Variants in SYS1 observed in about 807,000 individuals in gnomAD.
The protein encoded by SYS1 is protein SYS1 homolog.
A neutral mutation model predicts 17.8 loss-of-function variants in SYS1; 8 were observed. That is an observed-to-expected ratio of 0.45 (90% CI 0.26 to 0.81). The LOEUF is 0.81. Ranked by LOEUF, SYS1 falls within the 40% of genes least tolerant of loss-of-function variation. SYS1 has a pLI of 0.16. For synonymous variants in SYS1, 95 were observed against 90.9 expected, an observed-to-expected ratio of 1.05 and a Z score of -0.26; for missense variants, 161 against 203.9, an observed-to-expected ratio of 0.79 and a Z score of 1.28.
downstream of SYS1, chr20:45,373,623 C>T (rs1988623148): frequency 8.8e-6 from 4 of 453,978 alleles, no homozygotes; most frequent in South Asian, 9.5e-5. Context: ...CTCTTGCGAG[C>T]TCGCGGGGCG....
chr20:45,373,931 C>T (rs1420951225), downstream of SYS1: 2 of 1,613,958 alleles, frequency 1.2e-6, no homozygotes, highest in Admixed American at 1.7e-5. Flanking sequence ...GTGAATTTCG[C>T]CACCCATTCC....
In SYS1 at chr20:45,367,506, G is replaced by A. The variant is rs750650483; in HGVS notation, c.*391G>A. 32 of 1,025,264 alleles carry A rather than the reference G, an allele frequency of 3.1e-5. No individual in the cohort carries two copies. The highest frequency in any genetic ancestry group is 1.6e-4 in the Admixed American group (3 of 19,286). 63.5% of individuals were successfully genotyped at this position (1,025,264 alleles called of 1,614,324 possible). On this transcript the variant is annotated 3_prime_UTR_variant, in exon 4 of 4. Coordinates refer to ENST00000243918, the MANE Select transcript of SYS1 (RefSeq NM_033542.4). ...TCTGTCTTACCCCCCTGGGACAGCT[G>A]TTACCTTTGCAGTGTTGCCGAATCA...
chr20:45,366,400 A>T (rs1325154119), intron 3 of SYS1, among the ~76,000 whole-genome samples: 1 of 152,186 alleles, frequency 6.6e-6, no homozygotes, highest in South Asian at 2.1e-4. Flanking sequence ...TGTCTTCCAG[A>T]TAGGTTCTAT....
chr20:45,364,419 G>C (rs1988334583), intron 2 of SYS1, among the ~76,000 whole-genome samples: 1 of 145,298 alleles, frequency 6.9e-6, no homozygotes. Context: ...AGGCCTATAA[G>C]TTGTTACATC....
At chr20:45,364,575 C>T (rs1307091873) in intron 2 of SYS1, among the ~76,000 whole-genome samples, 1 of 149,920 alleles carries the variant, frequency 6.7e-6, no homozygotes, top group Non-Finnish European at 1.5e-5. Context: ...GGGTTCACGC[C>T]ATTCTCCTGC....
Position 45,374,718 on chromosome 20 carries a change from G to A in SYS1, c.*424G>A, listed in dbSNP as rs2145366331. On this transcript the variant is annotated 3_prime_UTR_variant, in exon 4 of 4. Coordinates refer to the SYS1 transcript ENST00000426004. ...GGAAATCCTTAAACCCACTTATGTA[G>A]GCCTCTGACTGTGAGATTCAGAGCC... 4.5e-6 allele frequency: 2 copies of A among 445,334 alleles called. 1 individual carries two copies. Among genetic ancestry groups the A allele is most frequent in the South Asian group, 8.4e-5 (2 of 23,858 alleles). The allele number at this position is 445,334 out of a possible 1,614,324, so 27.6% of individuals were successfully genotyped here. A position where few individuals can be genotyped will look rare whatever the true frequency, so the allele number is the denominator to read the frequency against.
chr20:45,369,257 T>C (rs932640207), downstream of SYS1: 1 of 152,176 alleles, frequency 6.6e-6, no homozygotes, highest in Non-Finnish European at 1.5e-5. Context: ...CTTTTCAAAA[T>C]CTTCACAAGA....
rs1988468105 is a variant in SYS1 at position 45,367,845 on chromosome 20, A to G, written c.*730A>G. ...TCCCAGCGTTGCTCAAAGTCTAACC[A>G]TCATAAAGACACTGCCTGTCTTCTA... On this transcript the variant is annotated 3_prime_UTR_variant, in exon 4 of 4. Transcript: ENST00000243918. 3 of 985,754 alleles carry G rather than the reference A, an allele frequency of 3.0e-6. No individual in the cohort carries two copies. The highest frequency in any genetic ancestry group is 5.2e-4 in the Middle Eastern group (1 of 1,936). 61.1% of individuals were successfully genotyped at this position (985,754 alleles called of 1,614,324 possible).
chr20:45,366,630 T>C lies in SYS1; in HGVS notation c.231-245T>C, dbSNP rs140750858. Reference sequence around the variant, plus strand: ...AGAACATGTATGCTTCAGGGTGTCATGATCCCCACCAATTCCTAGGATCCC... The same window carrying C: ...AGAACATGTATGCTTCAGGGTGTCACGATCCCCACCAATTCCTAGGATCCC... On this transcript the variant is annotated intron_variant, in intron 3 of 3. Transcript: ENST00000243918. Among the ~76,000 whole-genome samples, 695 of 152,320 alleles carry C rather than the reference T, an allele frequency of 4.6e-3. 4 individuals carry two copies. Among genetic ancestry groups the C allele is most frequent in the African/African-American group, 0.016 (660 of 41,566 alleles).
chr20:45,363,786 C>T lies in SYS1; in HGVS notation c.162+93C>T, dbSNP rs910187026. 9.7e-6 allele frequency: 13 copies of T among 1,344,094 alleles called. No homozygotes were observed. The African/African-American group carries it at 1.8e-4, about 18-fold the overall frequency. 83.3% of individuals were successfully genotyped at this position (1,344,094 alleles called of 1,614,324 possible). A position where few individuals can be genotyped will look rare whatever the true frequency, so the allele number is the denominator to read the frequency against. ...CTGTGCTGTAGACGTGGCTGGGTCA[C>T]CTTCTTTCTTTGTAGCCCTGGGAAA... On this transcript the variant is annotated intron_variant, in intron 2 of 3. Coordinates refer to ENST00000243918, the MANE Select transcript of SYS1 (RefSeq NM_033542.4).
Position 45,363,510 on chromosome 20 carries a change from C to T in SYS1, c.-3-19C>T, listed in dbSNP as rs771682120. The T allele has an allele frequency of 3.8e-6, 6 of 1,577,764 alleles. No homozygotes were observed. The highest frequency in any genetic ancestry group is 3.4e-6 in the Non-Finnish European group (4 of 1,163,912). The stretch of plus-strand genomic sequence containing the variant: ...ATGGAGACAGGCCGCTGGCTGAGGC[C>T]CGGCTCGTGTCCCTGCAGGGCATGG... On this transcript the variant is annotated intron_variant, in intron 1 of 3. Coordinates refer to ENST00000243918, the MANE Select transcript of SYS1 (RefSeq NM_033542.4).
chr20:45,369,572 A>G (rs900452848), downstream of SYS1, among the ~76,000 whole-genome samples: 1 of 150,838 alleles, frequency 6.6e-6, no homozygotes, highest in Non-Finnish European at 1.5e-5. Flanking sequence ...GATATGCAGT[A>G]CATTAAATAT....
Position 45,363,626 on chromosome 20 carries a change from T to A in SYS1, c.95T>A (p.Leu32Gln). 6.3e-7 allele frequency: 1 copy of A among 1,585,694 alleles called. No homozygotes were observed. Among genetic ancestry groups the A allele is most frequent in the Admixed American group, 1.8e-5 (1 of 55,674 alleles). The change falls in exon 2 of 4, where the codon CTG becomes CAG. Residue 32 changes from leucine to glutamine, a missense_variant. Coordinates refer to ENST00000243918, the MANE Select transcript of SYS1 (RefSeq NM_033542.4). ...ACCGTGTATTACGGCTCGCTGGGCC[T>A]GTGGCTGGCGCTGGTGGACGGGCTA... The part of the protein sequence containing the change: ...MQTVYYGSLG[L>Q]WLALVDGLVR...
exon 4 of SYS1, chr20:45,376,177 A>T (rs1210786827): frequency 6.6e-6 from 1 of 152,192 alleles, no homozygotes; most frequent in Non-Finnish European, 1.5e-5. Context: ...CTAGAGGCCA[A>T]ATCAGAAAGA....
chr20:45,371,234 G>GT (rs762875245), downstream of SYS1, among the ~76,000 whole-genome samples: 1 of 152,130 alleles, frequency 6.6e-6, no homozygotes, highest in Non-Finnish European at 1.5e-5. Context: ...TCCCTCCCTG[G>GT]TTTTATTGTG....
intron 3 of SYS1, 32 bp from the exon 4 acceptor site, chr20:45,366,843 A>G: frequency 6.3e-7 from 1 of 1,589,524 alleles, no homozygotes; most frequent in East Asian, 2.2e-5. Context: ...AGGACAACCC[A>G]GTGACAACTC....
chr20:45,367,108 A>G lies in SYS1; in HGVS notation c.464A>G (p.Asn155Ser), dbSNP rs184455498. 6.2e-7 allele frequency: 1 copy of G among 1,614,076 alleles called. No homozygotes were observed. The highest frequency in any genetic ancestry group is 1.3e-5 in the African/African-American group (1 of 75,006). Residue 155 changes from asparagine to serine, a missense_variant, in exon 4 of 4, where the codon AAT (asparagine) becomes AGT (serine). Physicochemically the swap from Asn to Ser is conservative, Grantham distance 46 (BLOSUM62 1). Transcript: ENST00000243918. ...EIPLNSAPKS[N>S]V ...CCCCTCAACTCAGCCCCTAAATCCA[A>G]TGTCTAGAATCAGGCCCTTTGGACA...
At chr20:45,364,105 G>A (rs1988321071) in intron 2 of SYS1, among the ~76,000 whole-genome samples, 1 of 152,182 alleles carries the variant, frequency 6.6e-6, no homozygotes. Flanking sequence ...CCACTTACTA[G>A]CTGTGTGACC....
downstream of SYS1, chr20:45,373,418 G>T (rs115285545): frequency 0.021 from 3,580 of 170,140 alleles, 138 homozygotes; most frequent in African/African-American, 0.079. Context: ...TTGACAATCA[G>T]GTCGCAATGC....
Sources: gnomAD v4.1 joint callset for allele counts (sites outside exome capture counted in the v4.1 genomes callset) on GRCh38, gnomAD v4.1.1 for gene constraint, MANE v1.5 for transcripts, NCBI Gene and HGNC (gene_info 2026-07-23, HGNC 2026-07-21) for gene names.